The following TMED6 variants were observed in gnomAD, a reference collection of about 807,000 sequenced individuals.
TMED6 encodes the protein transmembrane emp24 domain-containing protein 6.
In TMED6, 17 loss-of-function variants were observed where a neutral mutation model predicts 26.5. The ratio of observed to expected loss-of-function variants is 0.64; its 90% CI spans 0.44 to 0.96. The LOEUF is 0.96. Ranked by LOEUF, TMED6 falls within the 40% of genes least tolerant of loss-of-function variation. The pLI is 0.00. For missense variants in TMED6, 309 were observed against 296.5 expected (o/e 1.04, Z -0.31); for synonymous variants, 107 against 106.2 (o/e 1.01, Z -0.04).
At chr16:69,343,685 C>G in intron 3 of TMED6, 45 bp from the exon 4 acceptor site, 6 of 1,538,410 alleles carry the variant, frequency 3.9e-6, no homozygotes, top group Non-Finnish European at 5.4e-6. Context: ...AAACCCCCAT[C>G]TAGCCTCACC....
At chr16:69,347,751 T>C in intron 3 of TMED6, 37 bp downstream of exon 3, 2 of 1,609,508 alleles carry the variant, frequency 1.2e-6, no homozygotes, top group Non-Finnish European at 1.7e-6. Flanking sequence ...AAAATCAGTT[T>C]CCACAGATGT....
chr16:69,346,864 G>A (rs533391983), intron 3 of TMED6, among the ~76,000 whole-genome samples: 7 of 152,190 alleles, frequency 4.6e-5, no homozygotes, highest in Admixed American at 2.6e-4. Context: ...GATTAATCTC[G>A]GCACAGTAGC....
Position 69,347,820 on chromosome 16 carries a change from T to C in TMED6, c.457A>G (p.Lys153Glu). Residue 153 changes from lysine (K) to glutamate (E), a missense_variant, in exon 3 of 4, where the codon AAA becomes GAA. Lys to Glu is a moderately conservative substitution (Grantham distance 56). Coordinates refer to ENST00000288025, the MANE Select transcript of TMED6 (RefSeq NM_144676.4). ...PETDHKQKER[K>E]QLNDTLDAIE... is the part of the protein sequence containing the mutation. ...GCATCCAGAGTATCATTCAGTTGTTTTCTTTCCTTCTGTTTGTGATCAGTC... is the reference window on the plus strand; with the variant it reads ...GCATCCAGAGTATCATTCAGTTGTTCTCTTTCCTTCTGTTTGTGATCAGTC... 6.2e-7 allele frequency: 1 copy of C among 1,614,188 alleles called. No individual in the cohort carries two copies. The highest frequency in any genetic ancestry group is 8.5e-7 in the Non-Finnish European group (1 of 1,180,038).
At chr16:69,343,888 G>C (rs1168201647) in intron 3 of TMED6, among the ~76,000 whole-genome samples, 2 of 152,194 alleles carry the variant, frequency 1.3e-5, no homozygotes, top group Non-Finnish European at 2.9e-5. Context: ...GAGTACAGTG[G>C]CGCAGTCACA....
At chr16:69,351,297 C>A (rs1042393854) in intron 1 of TMED6, among the ~76,000 whole-genome samples, 43 of 152,136 alleles carry the variant, frequency 2.8e-4, no homozygotes, top group Non-Finnish European at 6.0e-4. Context: ...GGAGAGGCAC[C>A]CCGTCTGCCC....
chr16:69,343,299 A>T lies in TMED6; in HGVS notation c.*108T>A, dbSNP rs193273917. 2 of 1,018,614 alleles carry T rather than the reference A, an allele frequency of 2.0e-6. No individual in the cohort carries two copies. Among genetic ancestry groups the T allele is most frequent in the Non-Finnish European group, 2.8e-6 (2 of 703,220 alleles). 63.1% of individuals were successfully genotyped at this position (1,018,614 alleles called of 1,614,324 possible). A position where few individuals can be genotyped will look rare whatever the true frequency, so the allele number is the denominator to read the frequency against. On this transcript the variant is annotated 3_prime_UTR_variant, in exon 4 of 4. Transcript: ENST00000288025. ...CCATTTTGCTTTTTTAGATGTGTGC[A>T]GCAGACTAAAACATTAATGAGATAA...
chr16:69,348,113 TA>T, intron 2 of TMED6, 177 bp from the exon 3 acceptor site: 1 of 603,802 alleles, frequency 1.7e-6, no homozygotes, highest in Non-Finnish European at 2.7e-6. Context: ...AAACTTATAC[TA>T]AATATTACTT....
In TMED6 at chr16:69,351,695, C is replaced by T. The variant is rs2012779653; in HGVS notation, c.59G>A (p.Arg20Lys). The change falls in exon 1 of 4, where the codon AGG (arginine) becomes AAG (lysine). Residue 20 changes from arginine (R) to lysine (K), a missense_variant. Arg to Lys is a conservative substitution (Grantham distance 26). Coordinates refer to ENST00000288025, the MANE Select transcript of TMED6 (RefSeq NM_144676.4). Reference sequence around the variant, plus strand: ...ACTTAGAGGTTCTGTCTTCTGGCTCCTGGCAGACGTCACTAGATTCAGAAC... The same window carrying T: ...ACTTAGAGGTTCTGTCTTCTGGCTCTTGGCAGACGTCACTAGATTCAGAAC... Reference protein sequence around the residue: ...LVVLNLVTSARSQKTEPLSGS... With the variant: ...LVVLNLVTSAKSQKTEPLSGS... 2 of 1,613,708 alleles carry T rather than the reference C, an allele frequency of 1.2e-6. No individual in the cohort carries two copies. The highest frequency in any genetic ancestry group is 1.3e-5 in the African/African-American group (1 of 74,828).
intron 3 of TMED6, among the ~76,000 whole-genome samples, chr16:69,344,740 T>C (rs906532721): frequency 1.3e-5 from 2 of 148,478 alleles, no homozygotes; most frequent in Non-Finnish European, 3.0e-5. Context: ...GCCACTGTAC[T>C]CCAGCCTGGC....
In TMED6 at chr16:69,351,755, C is replaced by T. The variant is rs779479718; in HGVS notation, c.-2G>A. ...AGCCCCAAAGAGCAAAGGGGACATG[C>T]CGCTTTCTGGAGCCTCCTCTGCAGG... is the stretch of plus-strand genomic sequence containing the variant. On this transcript the variant is annotated 5_prime_UTR_variant, in exon 1 of 4. Coordinates refer to ENST00000288025, the MANE Select transcript of TMED6 (RefSeq NM_144676.4). The T allele has an allele frequency of 2.3e-5, 37 of 1,611,770 alleles. No individual in the cohort carries two copies. Among genetic ancestry groups the T allele is most frequent in the Non-Finnish European group, 3.1e-5 (37 of 1,179,270 alleles).
intron 3 of TMED6, among the ~76,000 whole-genome samples, chr16:69,344,728 GTGCC>G (rs2012654809): frequency 6.7e-6 from 1 of 149,582 alleles, no homozygotes; most frequent in Non-Finnish European, 1.5e-5. Context: ...AGCTGAGATC[GTGCC>G]ACTGTACTCC....
chr16:69,346,099 A>G (rs2012682492), intron 3 of TMED6, among the ~76,000 whole-genome samples: 1 of 152,238 alleles, frequency 6.6e-6, no homozygotes, highest in Admixed American at 6.5e-5. Flanking sequence ...ACCACAAGAT[A>G]ACATTTCACA....
intron 3 of TMED6, among the ~76,000 whole-genome samples, chr16:69,344,269 G>A (rs1313888593): frequency 6.6e-6 from 1 of 152,216 alleles, no homozygotes; most frequent in African/African-American, 2.4e-5. Flanking sequence ...TATGGTAGAA[G>A]ACAAGGGCCT....
chr16:69,345,362 A>C (rs1297302803), intron 3 of TMED6, among the ~76,000 whole-genome samples: 1 of 152,160 alleles, frequency 6.6e-6, no homozygotes, highest in Non-Finnish European at 1.5e-5. Flanking sequence ...ATTTGTATCC[A>C]GAATATATAA....
intron 3 of TMED6, among the ~76,000 whole-genome samples, chr16:69,346,238 T>G (rs1012830681): frequency 2.0e-5 from 3 of 152,204 alleles, no homozygotes; most frequent in Admixed American, 1.3e-4. Flanking sequence ...GTAATTCCAC[T>G]TTCAGGTATA....
At chr16:69,348,726 T>C (rs1947203329) in intron 2 of TMED6, among the ~76,000 whole-genome samples, 1 of 152,130 alleles carries the variant, frequency 6.6e-6, no homozygotes. Flanking sequence ...GCAATTCTCT[T>C]GCCTCAGCCT....
intron 3 of TMED6, among the ~76,000 whole-genome samples, chr16:69,345,457 A>G (rs1300770769): frequency 6.6e-6 from 1 of 151,976 alleles, no homozygotes; most frequent in Non-Finnish European, 1.5e-5. Context: ...GCTGAGCTGG[A>G]CAGATCACAA....
chr16:69,348,090 C>T lies in TMED6; in HGVS notation c.341-154G>A, dbSNP rs1342898674. ...GATCCCGTTTTTGACATGGAAGACACGGACCTTATGTTAAACTTATACTAA... is the reference window on the plus strand; with the variant it reads ...GATCCCGTTTTTGACATGGAAGACATGGACCTTATGTTAAACTTATACTAA... On this transcript the variant is annotated intron_variant, in intron 2 of 3. Coordinates refer to ENST00000288025, the MANE Select transcript of TMED6 (RefSeq NM_144676.4). The T allele has an allele frequency of 4.8e-5, 37 of 769,454 alleles. 1 individual carries two copies. The South Asian group carries it at 5.9e-4, about 12-fold the overall frequency. The allele number at this position is 769,454 out of a possible 1,614,324, so 47.7% of individuals were successfully genotyped here.
chr16:69,349,368 A>T (rs1255492463), intron 2 of TMED6, among the ~76,000 whole-genome samples, 157 bp downstream of exon 2: 1 of 152,220 alleles, frequency 6.6e-6, no homozygotes, highest in Non-Finnish European at 1.5e-5. Context: ...GCCACTTGGC[A>T]TCCTTGGAGG....
Sources: gnomAD v4.1 joint callset for allele counts (sites outside exome capture counted in the v4.1 genomes callset) on GRCh38, gnomAD v4.1.1 for gene constraint, MANE v1.5 for transcripts, NCBI Gene and HGNC (gene_info 2026-07-23, HGNC 2026-07-21) for gene names.